Variants in COL17A1 observed in about 807,000 individuals in gnomAD.
COL17A1 encodes collagen type XVII alpha 1 chain, also known as collagen alpha-1(XVII) chain.
Under a neutral mutation model 218.4 loss-of-function variants are expected in COL17A1, and 181 were observed. The ratio of observed to expected loss-of-function variants is 0.83; its 90% CI spans 0.73 to 0.94. The LOEUF (loss-of-function observed/expected upper bound fraction) is 0.94, where lower values mean the gene tolerates loss of function less well. COL17A1 is among the 40% of genes least tolerant of loss of function. The pLI is 0.00. For missense variants in COL17A1, 1,924 were observed against 1,945.9 expected, an observed-to-expected ratio of 0.99 and a Z score of 0.21; for synonymous variants, 721 against 731.0, an observed-to-expected ratio of 0.99 and a Z score of 0.22.
chr10:104,081,624 C>T (rs1209393910), intron 1 of COL17A1, among the ~76,000 whole-genome samples: 1 of 152,204 alleles, frequency 6.6e-6, no homozygotes, highest in East Asian at 1.9e-4. Context: ...TCTCTCCCTT[C>T]CTCTAACTTT....
At chr10:104,043,618 T>G in intron 34 of COL17A1, 37 bp from the exon 35 acceptor site, 2 of 1,610,596 alleles carry the variant, frequency 1.2e-6, no homozygotes, top group Non-Finnish European at 1.7e-6. Flanking sequence ...TGAGCCCTAC[T>G]TTTCTCACTC....
chr10:104,084,510 G>A (rs2086790598), intron 1 of COL17A1, among the ~76,000 whole-genome samples: 1 of 152,056 alleles, frequency 6.6e-6, no homozygotes, highest in Admixed American at 6.6e-5. Context: ...TAGAGATGGG[G>A]TTAGTATAAT....
intron 29 of COL17A1, among the ~76,000 whole-genome samples, chr10:104,048,417 C>T (rs2086435262): frequency 6.6e-6 from 1 of 152,224 alleles, no homozygotes; most frequent in Non-Finnish European, 1.5e-5. Flanking sequence ...TTCTTGTCTC[C>T]TCTGCTCTAG....
chr10:104,078,699 G>A, intron 2 of COL17A1, 113 bp from the exon 3 acceptor site: 2 of 1,419,374 alleles, frequency 1.4e-6, no homozygotes, highest in Non-Finnish European at 2.0e-6. Flanking sequence ...GTTCGACATT[G>A]ATTTTTCTAT....
At chr10:104,050,941 C>T (rs757907786) in intron 25 of COL17A1, 40 bp from the exon 26 acceptor site, 41 of 1,613,862 alleles carry the variant, frequency 2.5e-5, no homozygotes, top group Non-Finnish European at 3.4e-5. Flanking sequence ...ATGAGTATCC[C>T]TAGCTTTGGA....
rs2086326045 is a variant in COL17A1 at position 104,038,545 on chromosome 10, G to C, written c.2948-17C>G. ...ATGATCCCCCTGCAGCAAAGAGAAA[G>C]CGTCCTGTGTCGGTTTCTCCACCCT... On this transcript the variant is annotated splice_polypyrimidine_tract_variant and intron_variant, in intron 44 of 55. Coordinates refer to ENST00000648076, the MANE Select transcript of COL17A1 (RefSeq NM_000494.4). 1 of 1,609,224 alleles carries C rather than the reference G, an allele frequency of 6.2e-7. No individual in the cohort carries two copies.
Position 104,075,030 on chromosome 10 carries a change from G to C in COL17A1, c.332-799C>G, listed in dbSNP as rs142656080. 6.3e-3 allele frequency among the ~76,000 whole-genome samples: 958 copies of C among 152,282 alleles called. 11 individuals carry two copies. Among genetic ancestry groups the C allele is most frequent in the African/African-American group, 0.022 (934 of 41,556 alleles). On this transcript the variant is annotated intron_variant, in intron 5 of 55. Coordinates refer to ENST00000648076, the MANE Select transcript of COL17A1 (RefSeq NM_000494.4). The stretch of plus-strand genomic sequence containing the variant: ...CTCTTGTGTTGACCTCAGCATTGCT[G>C]TATGTTCCTGGTCTCCCCTTGTCCC...
chr10:104,054,987 G>A lies in COL17A1; in HGVS notation c.1738C>T (p.Pro580Ser), dbSNP rs2086506047. ...ATGCCCATGTTATAATTACCTTTAG[G>A]GCCTGGACTTCCCATGTCACCTGAA... ...GPKGDMGSPG[P>S]KGDRGFPGTP... The change falls in exon 20 of 56, where the codon CCT (proline) becomes TCT (serine). Residue 580 changes from proline to serine, a missense_variant. Physicochemically the swap from Pro to Ser is moderately conservative, Grantham distance 74. Coordinates refer to ENST00000648076, the MANE Select transcript of COL17A1 (RefSeq NM_000494.4). 2 of 1,613,916 alleles carry A rather than the reference G, an allele frequency of 1.2e-6. No individual in the cohort carries two copies. The highest frequency in any genetic ancestry group is 1.7e-5 in the Admixed American group (1 of 59,992).
chr10:104,064,151 C>T (rs2134634500), intron 10 of COL17A1, among the ~76,000 whole-genome samples: 1 of 152,312 alleles, frequency 6.6e-6, no homozygotes. Flanking sequence ...CAAGGCTCCA[C>T]CGTCAATTCA....
chr10:104,049,454 C>T lies in COL17A1; in HGVS notation c.2182G>A (p.Gly728Ser). 1.2e-6 allele frequency: 2 copies of T among 1,614,254 alleles called. No homozygotes were observed. Among genetic ancestry groups the T allele is most frequent in the East Asian group, 2.2e-5 (1 of 44,892 alleles). The change falls in exon 29 of 56, where the codon GGT (glycine) becomes AGT (serine). Residue 728 changes from glycine (G) to serine (S), a missense_variant. Physicochemically the swap from Gly to Ser is moderately conservative, Grantham distance 56. Coordinates refer to ENST00000648076, the MANE Select transcript of COL17A1 (RefSeq NM_000494.4). ...RGLTGEPGMR[G>S]LPGAVGEPGA... ...GGCTCACCAACAGCACCAGGCAAAC[C>T]TCTCATGCCAGGCTCGCCTGCAAAG...
chr10:104,056,995 A>T lies in COL17A1; in HGVS notation c.1445T>A (p.Leu482His). The change falls in exon 17 of 56, where the codon CTC becomes CAC. Residue 482 changes from leucine (L) to histidine (H), a missense_variant. By Grantham distance (99) the Leu-to-His change is moderately conservative. Transcript: ENST00000648076. ...LLTWLLLLGL[L>H]FGLIALAEEV... ...CGTACCCAGAGCAATGAGGCCGAAGAGCAGCCCCAGGAGTAGCAGCCAGGT... is the reference window on the plus strand; with the variant it reads ...CGTACCCAGAGCAATGAGGCCGAAGTGCAGCCCCAGGAGTAGCAGCCAGGT... 2 of 1,584,238 alleles carry T rather than the reference A, an allele frequency of 1.3e-6. No individual in the cohort carries two copies. Among genetic ancestry groups the T allele is most frequent in the Non-Finnish European group, 1.7e-6 (2 of 1,165,722 alleles).
intron 51 of COL17A1, 100 bp downstream of exon 51, chr10:104,034,521 G>A (rs943584559): frequency 1.6e-5 from 24 of 1,534,648 alleles, no homozygotes; most frequent in African/African-American, 6.8e-5. Flanking sequence ...AGTGGCTCTC[G>A]TGTGGCCTTC....
At chr10:104,037,558 C>T (rs545071237) in intron 46 of COL17A1, 78 bp downstream of exon 46, 104 of 1,560,434 alleles carry the variant, frequency 6.7e-5, no homozygotes, top group South Asian at 2.3e-4. Flanking sequence ...AAACAGCAAA[C>T]GAGGAGATGA....
chr10:104,053,061 GC>G lies in COL17A1; in HGVS notation c.1908del (p.Pro637LeufsTer46). 6.2e-7 allele frequency: 1 copy of G among 1,614,092 alleles called. No individual in the cohort carries two copies. Among genetic ancestry groups the G allele is most frequent in the Non-Finnish European group, 8.5e-7 (1 of 1,180,034 alleles). On this transcript the variant is annotated frameshift_variant, in exon 23 of 56. Transcript: ENST00000648076. LOFTEE classifies it high-confidence loss of function. ...TCCCCTTTCTCTCCAGATCCAGGAG[GC>G]CCTGCCTCACCACGAGGTCCCATGG... ...EGPMGPRGEA[G>X]PPGSGEKGER...
intron 14 of COL17A1, 112 bp from the exon 15 acceptor site, chr10:104,059,830 C>T: frequency 8.4e-7 from 1 of 1,184,332 alleles, no homozygotes; most frequent in Non-Finnish European, 1.2e-6. Flanking sequence ...CTAGGTTAGA[C>T]TGGTAAGAAG....
intron 20 of COL17A1, among the ~76,000 whole-genome samples, chr10:104,054,337 T>C (rs2086498889): frequency 6.6e-6 from 1 of 152,206 alleles, no homozygotes; most frequent in African/African-American, 2.4e-5. Context: ...TTATTTGTTG[T>C]TTATCTTCAA....
intron 32 of COL17A1, among the ~76,000 whole-genome samples, chr10:104,046,407 G>T (rs2086410256): frequency 6.6e-6 from 1 of 152,150 alleles, no homozygotes; most frequent in African/African-American, 2.4e-5. Context: ...TCATGCCAGT[G>T]GGGGAACTTG....
At position 104,037,628 on chromosome 10, in the gene COL17A1, G is replaced by C; in HGVS notation, c.3208+8C>G. 4 of 1,614,136 alleles carry C rather than the reference G, an allele frequency of 2.5e-6. No individual in the cohort carries two copies. Among genetic ancestry groups the C allele is most frequent in the Non-Finnish European group, 3.4e-6 (4 of 1,180,020 alleles). ...GGTGCCAGGTGCAGGGCGTGGGGAA[G>C]GGCTTACTCCGTAAGTAGCTCACAA... is the stretch of plus-strand genomic sequence containing the variant. On this transcript the variant is annotated splice_region_variant and intron_variant, in intron 46 of 55. Coordinates refer to ENST00000648076, the MANE Select transcript of COL17A1 (RefSeq NM_000494.4).
chr10:104,038,947 G>C, intron 44 of COL17A1, 124 bp downstream of exon 44: 2 of 1,143,764 alleles, frequency 1.7e-6, no homozygotes, highest in Non-Finnish European at 2.7e-6. Flanking sequence ...AGCACATGGA[G>C]AAGACAGCCA....
Sources: allele counts gnomAD v4.1 joint callset (sites outside exome capture counted in the v4.1 genomes callset), GRCh38; gene constraint gnomAD v4.1.1; transcripts MANE v1.5; gene names NCBI Gene and HGNC (gene_info 2026-07-23, HGNC 2026-07-21).